GALNT13: variants seen among roughly 807,000 people sequenced by gnomAD.
The protein encoded by GALNT13 is polypeptide N-acetylgalactosaminyltransferase 13, also known as UDP-GalNAc:polypeptide N-acetylgalactosaminyltransferase 13.
A neutral mutation model predicts 64.2 loss-of-function variants in GALNT13; 28 were observed. That is an observed-to-expected ratio of 0.44 (90% confidence interval 0.32 to 0.60). The LOEUF (loss-of-function observed/expected upper bound fraction) is 0.60. Among genes scored for constraint, GALNT13 ranks in the 20% least tolerant of loss-of-function variants. The probability of loss-of-function intolerance (pLI) is 0.05; values close to 1 mark genes in which losing one functional copy is unlikely to be tolerated. For missense variants in GALNT13, 577 were observed against 669.8 expected, an observed-to-expected ratio of 0.86 and a Z score of 1.53; for synonymous variants, 214 against 224.6, an observed-to-expected ratio of 0.95 and a Z score of 0.42.
chr2:153,472,838 A>T, the GALNT13 span, among the ~76,000 whole-genome samples: 4 of 152,356 alleles, frequency 2.6e-5, no homozygotes, highest in African/African-American at 9.6e-5. Context: ...GTTAGATGCA[A>T]GCCACTGTTT....
the GALNT13 span, among the ~76,000 whole-genome samples, chr2:153,068,374 C>G: frequency 6.6e-6 from 1 of 152,124 alleles, no homozygotes; most frequent in African/African-American, 2.4e-5. Context: ...AAGGCCAAGG[C>G]TTCAATTATT....
At chr2:154,390,651 C>G (rs1698746275) in intron 9 of GALNT13, among the ~76,000 whole-genome samples, 1 of 151,960 alleles carries the variant, frequency 6.6e-6, no homozygotes, top group African/African-American at 2.4e-5. Flanking sequence ...TAGCTGGATT[C>G]CATGAAAAGA....
chr2:153,109,604 G>A, the GALNT13 span, among the ~76,000 whole-genome samples: 1 of 152,150 alleles, frequency 6.6e-6, no homozygotes, highest in Non-Finnish European at 1.5e-5. Flanking sequence ...TTCAGATTAA[G>A]TTGTAACATA....
the GALNT13 span, among the ~76,000 whole-genome samples, chr2:153,608,917 C>CTTT: frequency 1.0e-2 from 1,303 of 130,594 alleles, 30 homozygotes; most frequent in African/African-American, 0.034. Flanking sequence ...TTTTTTACTT[C>CTTT]TTTTTTTTTT....
chr2:153,203,438 G>C, the GALNT13 span, among the ~76,000 whole-genome samples: 5 of 152,126 alleles, frequency 3.3e-5, no homozygotes, highest in Non-Finnish European at 5.9e-5. Context: ...TAAGAACCAG[G>C]AACTAGGATG....
intron 2 of GALNT13, among the ~76,000 whole-genome samples, chr2:153,929,062 T>C (rs1301117277): frequency 1.3e-5 from 2 of 152,230 alleles, no homozygotes; most frequent in Non-Finnish European, 2.9e-5. Context: ...ATATGTTTCA[T>C]ACATCATTTT....
At chr2:153,906,480 G>A (rs988825894) in intron 2 of GALNT13, among the ~76,000 whole-genome samples, 3 of 147,448 alleles carry the variant, frequency 2.0e-5, no homozygotes, top group Non-Finnish European at 3.0e-5. Flanking sequence ...CCACCTATGA[G>A]TGAGAACATG....
chr2:154,153,049 C>T lies in GALNT13; in HGVS notation c.311+12544C>T, dbSNP rs1684153278. Among the ~76,000 whole-genome samples, 2 of 152,112 alleles carry T rather than the reference C, an allele frequency of 1.3e-5. 1 individual carries two copies. Among genetic ancestry groups the T allele is most frequent in the African/African-American group, 4.8e-5 (2 of 41,416 alleles). ...CAGTTTTTCTGCTCTGTTTTTTCCCCATCTTTGTGGTTTTATCTACTTCTG... is the reference window on the plus strand; with the variant it reads ...CAGTTTTTCTGCTCTGTTTTTTCCCTATCTTTGTGGTTTTATCTACTTCTG... On this transcript the variant is annotated intron_variant, in intron 4 of 12. Coordinates refer to ENST00000392825, the MANE Select transcript of GALNT13 (RefSeq NM_052917.4).
the GALNT13 span, among the ~76,000 whole-genome samples, chr2:153,136,848 CCACA>C: frequency 0.037 from 5,549 of 148,340 alleles, 138 homozygotes; most frequent in African/African-American, 0.071. Context: ...GGTGTTTGCA[CCACA>C]CACACACACA....
intron 4 of GALNT13, among the ~76,000 whole-genome samples, chr2:154,210,689 T>C (rs1687708766): frequency 6.6e-6 from 1 of 152,172 alleles, no homozygotes; most frequent in Admixed American, 6.5e-5. Context: ...CATAATTTAA[T>C]TTTTAAAATA....
At chr2:153,400,748 A>G in the GALNT13 span, among the ~76,000 whole-genome samples, 3 of 151,994 alleles carry the variant, frequency 2.0e-5, no homozygotes, top group Non-Finnish European at 4.4e-5. Flanking sequence ...GGTAGTTTGT[A>G]TTTCTGTGGG....
intron 3 of GALNT13, among the ~76,000 whole-genome samples, chr2:154,121,125 C>A: frequency 6.6e-6 from 1 of 152,170 alleles, no homozygotes; most frequent in Non-Finnish European, 1.5e-5. Context: ...TTTAGTTGAA[C>A]TAAGACCATT....
the GALNT13 span, among the ~76,000 whole-genome samples, chr2:153,853,273 C>A: frequency 6.6e-6 from 1 of 152,044 alleles, no homozygotes; most frequent in Non-Finnish European, 1.5e-5. Context: ...TGTCTCCCAG[C>A]CCACTGACTC....
At chr2:153,256,895 T>C in the GALNT13 span, among the ~76,000 whole-genome samples, 190 of 152,308 alleles carry the variant, frequency 1.2e-3, 1 homozygote, top group Middle Eastern at 3.4e-3. Flanking sequence ...GAGGTTACTG[T>C]TGTCTTTTTG....
At chr2:153,912,724 A>C (rs1280650169) in intron 2 of GALNT13, among the ~76,000 whole-genome samples, 1 of 151,606 alleles carries the variant, frequency 6.6e-6, no homozygotes, top group Non-Finnish European at 1.5e-5. Flanking sequence ...ATTCTGGGTG[A>C]CTCTTATTGG....
intron 3 of GALNT13, among the ~76,000 whole-genome samples, chr2:154,124,875 G>T (rs1221339786): frequency 6.6e-6 from 1 of 152,070 alleles, no homozygotes; most frequent in Non-Finnish European, 1.5e-5. Context: ...TTAGATTGCT[G>T]TAGAACAAAT....
chr2:153,885,761 T>C (rs1405262205), intron 1 of GALNT13, among the ~76,000 whole-genome samples: 1 of 152,066 alleles, frequency 6.6e-6, no homozygotes, highest in Non-Finnish European at 1.5e-5. Flanking sequence ...CAGCTGCTCT[T>C]GAAATGTTCA....
the GALNT13 span, among the ~76,000 whole-genome samples, chr2:153,265,477 C>T: frequency 1.3e-5 from 2 of 152,140 alleles, no homozygotes; most frequent in African/African-American, 4.8e-5. Context: ...TGCAAAGTTC[C>T]ACAACCACTG....
chr2:153,964,801 C>T (rs6760657), intron 3 of GALNT13, among the ~76,000 whole-genome samples: 30,902 of 151,528 alleles, frequency 0.2, 4,025 homozygotes, highest in Middle Eastern at 0.33. Flanking sequence ...GTTGCCCTCA[C>T]GGTAAAATGA....
Sources: gnomAD v4.1 joint callset for allele counts (sites outside exome capture counted in the v4.1 genomes callset) on GRCh38, gnomAD v4.1.1 for gene constraint, MANE v1.5 for transcripts, NCBI Gene and HGNC (gene_info 2026-07-23, HGNC 2026-07-21) for gene names.